Variants in OPA3 observed in about 807,000 individuals in gnomAD.
The protein encoded by OPA3 is optic atrophy 3 protein.
A neutral mutation model predicts 4.0 loss-of-function variants in OPA3; 6 were observed. The observed-to-expected ratio is 1.51, with a 90% CI of 0.83 to 2.99. The LOEUF is 2.99. OPA3 is among the 30% of genes most tolerant of loss of function. The pLI, the probability that OPA3 is intolerant of heterozygous loss-of-function variation, is 0.00. For synonymous variants in OPA3, 105 were observed against 117.1 expected (o/e 0.90, Z 0.67); for missense variants, 235 against 256.2 (o/e 0.92, Z 0.56).
chr19:45,569,328 G>A (rs997859619), intron 1 of OPA3, among the ~76,000 whole-genome samples: 1 of 151,982 alleles, frequency 6.6e-6, no homozygotes, highest in African/African-American at 2.4e-5. Flanking sequence ...GCGTGGTGGC[G>A]GGCACCTGTA....
chr19:45,582,572 T>C (rs776602162), intron 1 of OPA3, among the ~76,000 whole-genome samples: 62 of 151,902 alleles, frequency 4.1e-4, no homozygotes, highest in Non-Finnish European at 7.1e-4. Context: ...AAGGATAACT[T>C]GATGGGTGAG....
intron 1 of OPA3, among the ~76,000 whole-genome samples, chr19:45,575,823 C>A (rs949705741): frequency 2.6e-5 from 4 of 152,288 alleles, no homozygotes; most frequent in Admixed American, 1.3e-4. Flanking sequence ...CCAGGCTGGT[C>A]TTGAACCCCT....
intron 1 of OPA3, among the ~76,000 whole-genome samples, chr19:45,580,370 T>TCG (rs1165605940): frequency 1.4e-5 from 2 of 146,370 alleles, no homozygotes; most frequent in Non-Finnish European, 3.0e-5. Flanking sequence ...CTCGGCTCAC[T>TCG]GCAACCTCCA....
chr19:45,558,122 A>C (rs935568877), intron 1 of OPA3, among the ~76,000 whole-genome samples: 1 of 152,128 alleles, frequency 6.6e-6, no homozygotes, highest in African/African-American at 2.4e-5. Flanking sequence ...TCATGAGGTA[A>C]GGAGTTCAAG....
At chr19:45,554,692 A>G (rs1969394692) in intron 1 of OPA3, among the ~76,000 whole-genome samples, 1 of 152,256 alleles carries the variant, frequency 6.6e-6, no homozygotes, top group Non-Finnish European at 1.5e-5. Context: ...GAAACCACAG[A>G]GGGAACCCTT....
At chr19:45,542,646 A>T, downstream of OPA3, among the ~76,000 whole-genome samples, 1 of 146,680 alleles carries the variant, frequency 6.8e-6, no homozygotes, top group Non-Finnish European at 1.5e-5. Context: ...TATGTGGTAC[A>T]GTACTTCACT....
chr19:45,534,797 T>C (rs1222186683), intron 1 of OPA3, among the ~76,000 whole-genome samples: 1 of 151,784 alleles, frequency 6.6e-6, no homozygotes, highest in Non-Finnish European at 1.5e-5. Flanking sequence ...CATGCCCGGC[T>C]AATTTTTGTA....
intron 1 of OPA3, among the ~76,000 whole-genome samples, chr19:45,581,123 G>C (rs1316584023): frequency 6.6e-6 from 1 of 152,052 alleles, no homozygotes; most frequent in Non-Finnish European, 1.5e-5. Context: ...CCTCTTTCCG[G>C]ACATGGGGAC....
chr19:45,558,060 G>A (rs765942632), intron 1 of OPA3, among the ~76,000 whole-genome samples: 1 of 152,258 alleles, frequency 6.6e-6, no homozygotes, highest in South Asian at 2.1e-4. Flanking sequence ...CTGGCTGGGC[G>A]CGGTAGCTCA....
chr19:45,571,525 G>A (rs1969666727), intron 1 of OPA3, among the ~76,000 whole-genome samples: 1 of 152,158 alleles, frequency 6.6e-6, no homozygotes, highest in Non-Finnish European at 1.5e-5. Flanking sequence ...GTGTTTCCTT[G>A]ATAGGAGAAC....
chr19:45,570,600 T>C (rs1473849162), intron 1 of OPA3, among the ~76,000 whole-genome samples: 1 of 151,996 alleles, frequency 6.6e-6, no homozygotes, highest in African/African-American at 2.4e-5. Flanking sequence ...GGCAGGAGAA[T>C]TGCTTGAACC....
downstream of OPA3, among the ~76,000 whole-genome samples, chr19:45,545,036 G>C (rs1453860376): frequency 7.4e-6 from 1 of 135,908 alleles, no homozygotes; most frequent in African/African-American, 2.7e-5. Context: ...ATGGTGGCAG[G>C]TGCCTGGAAT....
chr19:45,576,545 C>CGA (rs1324308725), intron 1 of OPA3, among the ~76,000 whole-genome samples: 2 of 145,522 alleles, frequency 1.4e-5, no homozygotes, highest in Non-Finnish European at 3.0e-5. Flanking sequence ...TCCCCCCCCC[C>CGA]CCAAAAAAAA....
intron 1 of OPA3, among the ~76,000 whole-genome samples, chr19:45,570,072 C>T (rs1260331910): frequency 6.6e-6 from 1 of 152,204 alleles, no homozygotes; most frequent in Non-Finnish European, 1.5e-5. Context: ...GCGCCATCCC[C>T]AGGCTGACAC....
chr19:45,534,189 A>T (rs1366494510), intron 1 of OPA3, among the ~76,000 whole-genome samples: 3 of 152,144 alleles, frequency 2.0e-5, no homozygotes, highest in African/African-American at 7.2e-5. Flanking sequence ...ACTGCCATTA[A>T]CCCCCTCCAA....
chr19:45,531,842 T>C (rs1228937067), intron 1 of OPA3, among the ~76,000 whole-genome samples: 1 of 152,190 alleles, frequency 6.6e-6, no homozygotes, highest in Non-Finnish European at 1.5e-5. Flanking sequence ...CCTTAAACTC[T>C]TCTATCTTCT....
chr19:45,572,654 C>G (rs1203567880), intron 1 of OPA3, among the ~76,000 whole-genome samples: 4 of 133,326 alleles, frequency 3.0e-5, no homozygotes, highest in African/African-American at 8.4e-5. Flanking sequence ...CGATATATAT[C>G]ATATATATCT....
intron 1 of OPA3, among the ~76,000 whole-genome samples, chr19:45,572,351 G>A (rs1272142328): frequency 3.4e-5 from 4 of 117,846 alleles, no homozygotes; most frequent in East Asian, 4.8e-4. Context: ...CATATATATC[G>A]ACATATATGA....
chr19:45,552,199 C>T lies in OPA3; in HGVS notation c.*1315G>A. On this transcript the variant is annotated 3_prime_UTR_variant, in exon 2 of 2. Transcript: ENST00000263275. ...GTACAATGATTCCAGGGATTGACTGCAGGCCAGGACCTTTTGTGGGTTTTT... is the reference window on the plus strand; with the variant it reads ...GTACAATGATTCCAGGGATTGACTGTAGGCCAGGACCTTTTGTGGGTTTTT... The T allele has an allele frequency of 1.0e-6, 1 of 980,130 alleles. No homozygotes were observed. Among genetic ancestry groups the T allele is most frequent in the Non-Finnish European group, 1.2e-6 (1 of 827,506 alleles). The allele number at this position is 980,130 out of a possible 1,614,324, so 60.7% of individuals were successfully genotyped here.
Sources: gnomAD v4.1 joint callset for allele counts (sites outside exome capture counted in the v4.1 genomes callset) on GRCh38, gnomAD v4.1.1 for gene constraint, MANE v1.5 for transcripts, NCBI Gene and HGNC (gene_info 2026-07-23, HGNC 2026-07-21) for gene names.